Variants in ISLR2 observed in about 807,000 individuals in gnomAD.
ISLR2 encodes the protein immunoglobulin superfamily containing leucine-rich repeat protein 2.
In ISLR2, 16 loss-of-function variants were observed where a neutral mutation model predicts 25.5. The ratio of observed to expected loss-of-function variants is 0.63; its 90% CI spans 0.43 to 0.95. ISLR2 has a LOEUF of 0.95. ISLR2 is among the 40% of genes least tolerant of loss of function. The pLI is 0.00. For missense variants in ISLR2, 883 were observed against 1,030.7 expected, an observed-to-expected ratio of 0.86 and a Z score of 1.96; for synonymous variants, 508 against 486.6, an observed-to-expected ratio of 1.04 and a Z score of -0.58.
intron 2 of ISLR2, among the ~76,000 whole-genome samples, chr15:74,112,610 C>T (rs988647715): frequency 2.0e-5 from 3 of 151,748 alleles, no homozygotes; most frequent in African/African-American, 4.8e-5. Context: ...TCGCTGCAAC[C>T]TCCACCTCCC....
Position 74,134,211 on chromosome 15 carries a change from T to C in ISLR2, c.1457T>C (p.Leu486Pro). 6.2e-7 allele frequency: 1 copy of C among 1,608,200 alleles called. No individual in the cohort carries two copies. Among genetic ancestry groups the C allele is most frequent in the Non-Finnish European group, 8.5e-7 (1 of 1,177,590 alleles). ...SAELKPHVFE[L>P]GVIALDVAER... is the part of the protein sequence containing the mutation. ...GAGCTCAAGCCGCACGTCTTCGAGC[T>C]GGGCGTCATCGCGCTGGATGTGGCG... Residue 486 changes from leucine (L) to proline (P), a missense_variant, in exon 3 of 3, where the codon CTG becomes CCG. By Grantham distance (98) the Leu-to-Pro change is moderately conservative (BLOSUM62 -3). This residue lies in a region of ISLR2 where 612 missense variants were observed against 642.8 expected (regional missense o/e 0.95). Transcript: ENST00000453268.
At chr15:74,125,072 C>T (rs115291490), upstream of ISLR2, among the ~76,000 whole-genome samples, 1,026 of 152,322 alleles carry the variant, frequency 6.7e-3, 8 homozygotes, top group African/African-American at 0.022. Context: ...CTGCCTCACC[C>T]GGCCCTACCC....
Position 74,134,470 on chromosome 15 carries a change from C to A in ISLR2, c.1716C>A (p.Gly572=). Reference sequence around the variant, plus strand: ...ACTCCGTGTGCCTGGCGCTGGCGGGCGAAGCCTGCCACGTGCAAGTGGTGT... The same window carrying A: ...ACTCCGTGTGCCTGGCGCTGGCGGGAGAAGCCTGCCACGTGCAAGTGGTGT... ...TNYSVCLALA[G]EACHVQVVFS... Residue 572 remains glycine, a synonymous_variant, in exon 3 of 3, where the codon GGC becomes GGA. Coordinates refer to ENST00000453268, the MANE Select transcript of ISLR2 (RefSeq NM_020851.3). 6.2e-7 allele frequency: 1 copy of A among 1,606,128 alleles called. No homozygotes were observed. Among genetic ancestry groups the A allele is most frequent in the Non-Finnish European group, 8.5e-7 (1 of 1,178,164 alleles).
intron 2 of ISLR2, among the ~76,000 whole-genome samples, chr15:74,118,896 A>G (rs1348158393): frequency 6.6e-6 from 1 of 151,992 alleles, no homozygotes; most frequent in Middle Eastern, 3.2e-3. Context: ...TGACCTCGTG[A>G]TCCATCCACC....
intron 2 of ISLR2, among the ~76,000 whole-genome samples, chr15:74,122,566 T>G (rs2072261382): frequency 6.6e-6 from 1 of 152,254 alleles, no homozygotes; most frequent in Non-Finnish European, 1.5e-5. Flanking sequence ...CTTCTTCCTC[T>G]TCCTTTCCTA....
chr15:74,106,919 C>T (rs117586612), intron 2 of ISLR2, among the ~76,000 whole-genome samples: 1 of 152,236 alleles, frequency 6.6e-6, no homozygotes, highest in East Asian at 1.9e-4. Flanking sequence ...ATTCTCTCTC[C>T]GCCCCCTTCA....
In ISLR2 at chr15:74,134,913, G is replaced by A; in HGVS notation, c.2159G>A (p.Ser720Asn). ...QEEFEAGSEY[S>N]DRLPLGAEAV... Reference sequence around the variant, plus strand: ...GAGTTCGAGGCGGGCTCTGAGTACAGCGATCGGCTGCCCCTGGGCGCCGAG... The same window carrying A: ...GAGTTCGAGGCGGGCTCTGAGTACAACGATCGGCTGCCCCTGGGCGCCGAG... Residue 720 changes from serine to asparagine, a missense_variant, in exon 3 of 3, where the codon AGC (serine) becomes AAC (asparagine). Physicochemically the swap from Ser to Asn is conservative, Grantham distance 46. Transcript: ENST00000453268. 6.2e-7 allele frequency: 1 copy of A among 1,614,030 alleles called. No individual in the cohort carries two copies. The highest frequency in any genetic ancestry group is 8.5e-7 in the Non-Finnish European group (1 of 1,180,014).
At position 74,105,725 on chromosome 15, in the gene ISLR2, A is replaced by G. The variant is rs2072114367; in HGVS notation, n.228+1811A>G. Among the ~76,000 whole-genome samples, 3 of 152,150 alleles carry G rather than the reference A, an allele frequency of 2.0e-5. No individual in the cohort carries two copies. The South Asian group carries it at 6.2e-4, about 32-fold the overall frequency. ...GTGGCAGCGAGCCAAGCAATAAACCAGAATGTGCAAAGCCTGCGTCCCAGA... is the reference window on the plus strand; with the variant it reads ...GTGGCAGCGAGCCAAGCAATAAACCGGAATGTGCAAAGCCTGCGTCCCAGA... On this transcript the variant is annotated intron_variant and non_coding_transcript_variant, in intron 2 of 3. Coordinates refer to the ISLR2 transcript ENST00000561975.
At chr15:74,129,019 G>A (rs1172119130), upstream of ISLR2, 1 of 456,714 alleles carries the variant, frequency 2.2e-6, no homozygotes, top group Admixed American at 2.3e-5. This position sits in a 1 kb window ranked among gnomAD's most constrained non-coding sequence, Gnocchi z 4.5. Flanking sequence ...CGGCAGGGAC[G>A]GGTCACAGTG....
chr15:74,106,004 C>T (rs542678721), intron 2 of ISLR2, among the ~76,000 whole-genome samples: 2 of 152,196 alleles, frequency 1.3e-5, no homozygotes, highest in South Asian at 4.2e-4. Flanking sequence ...GTGTGTCAGC[C>T]AGGGAAGCAG....
chr15:74,105,509 G>C (rs1374324946), intron 2 of ISLR2, among the ~76,000 whole-genome samples: 1 of 100,882 alleles, frequency 9.9e-6, no homozygotes, highest in Non-Finnish European at 2.0e-5. Flanking sequence ...GCAGCAGTGT[G>C]GGTCAGGAAG....
At chr15:74,119,928 A>G (rs1312384640) in intron 2 of ISLR2, among the ~76,000 whole-genome samples, 1 of 152,218 alleles carries the variant, frequency 6.6e-6, no homozygotes, top group Non-Finnish European at 1.5e-5. Context: ...CCTGAAACCC[A>G]AAGCCAAGCG....
intron 2 of ISLR2, among the ~76,000 whole-genome samples, chr15:74,111,178 G>A (rs1271039882): frequency 6.6e-6 from 1 of 150,640 alleles, no homozygotes; most frequent in South Asian, 2.1e-4. Context: ...CAATAAAAAG[G>A]AGCATGCACA....
Position 74,136,636 on chromosome 15 carries a change from A to G in ISLR2, c.*1644A>G, listed in dbSNP as rs1375188332. On this transcript the variant is annotated 3_prime_UTR_variant, in exon 3 of 3. Transcript: ENST00000453268. ...GACTCGGGGCGGGGTTCTTTTTTCC[A>G]TTTTGAAAGAAAGCGTCGGGGTTGG... 2 of 158,920 alleles carry G rather than the reference A, an allele frequency of 1.3e-5. No homozygotes were observed. The highest frequency in any genetic ancestry group is 2.0e-4 in the East Asian group (1 of 5,116). The allele number at this position is 158,920 out of a possible 1,614,324, so 9.8% of individuals were successfully genotyped here.
chr15:74,123,752 A>G (rs973123767), upstream of ISLR2, among the ~76,000 whole-genome samples: 4 of 152,244 alleles, frequency 2.6e-5, no homozygotes, highest in Admixed American at 2.6e-4. Context: ...TCTCCTGTTC[A>G]TAAATATCCG....
chr15:74,103,262 G>A (rs1162653344), intron 1 of ISLR2, among the ~76,000 whole-genome samples: 11 of 149,348 alleles, frequency 7.4e-5, no homozygotes, highest in East Asian at 2.0e-4. Flanking sequence ...TATCTTATAC[G>A]TATTCCTTCA....
In ISLR2 at chr15:74,132,941, A is replaced by T; in HGVS notation, c.187A>T (p.Ile63Phe). 2 of 1,614,066 alleles carry T rather than the reference A, an allele frequency of 1.2e-6. No homozygotes were observed. The highest frequency in any genetic ancestry group is 2.2e-5 in the South Asian group (2 of 91,084). ...VTTLSLSANK[I>F]TVLRRGAFAD... is the part of the protein sequence containing the mutation. Reference sequence around the variant, plus strand: ...GACGCTTAGTCTGTCCGCGAACAAGATCACTGTGCTGCGGCGCGGGGCCTT... The same window carrying T: ...GACGCTTAGTCTGTCCGCGAACAAGTTCACTGTGCTGCGGCGCGGGGCCTT... Residue 63 changes from isoleucine to phenylalanine, a missense_variant, in exon 3 of 3, where the codon ATC (isoleucine) becomes TTC (phenylalanine). By Grantham distance (21) the Ile-to-Phe change is conservative. Transcript: ENST00000453268. This position sits in a 1 kb window ranked among gnomAD's most constrained non-coding sequence, Gnocchi z 4.3.
intron 2 of ISLR2, among the ~76,000 whole-genome samples, chr15:74,104,196 C>T (rs1177986704): frequency 6.6e-6 from 1 of 152,124 alleles, no homozygotes; most frequent in African/African-American, 2.4e-5. Context: ...GTGATTTTGC[C>T]GCCCTGGGGA....
intron 2 of ISLR2, among the ~76,000 whole-genome samples, chr15:74,113,356 G>T (rs1490889932): frequency 6.6e-6 from 1 of 152,320 alleles, no homozygotes; most frequent in East Asian, 1.9e-4. Flanking sequence ...ATGCCATGTT[G>T]CCCAGGCTGG....
Sources: gnomAD v4.1 joint callset for allele counts (sites outside exome capture counted in the v4.1 genomes callset) on GRCh38, gnomAD v4.1.1 for gene constraint, gnomAD v4.1.1 regional missense constraint, Gnocchi (gnomAD v3.1) non-coding constraint, MANE v1.5 for transcripts, NCBI Gene and HGNC (gene_info 2026-07-23, HGNC 2026-07-21) for gene names.